Variants in BLTP3B observed in about 807,000 individuals in gnomAD.
BLTP3B encodes bridge-like lipid transfer protein family member 3B.
chr12:100,118,041 T>C, the BLTP3B span, among the ~76,000 whole-genome samples: 1 of 152,156 alleles, frequency 6.6e-6, no homozygotes, highest in Non-Finnish European at 1.5e-5. Flanking sequence ...CAAAGATATC[T>C]TGACACAGTT....
the BLTP3B span, among the ~76,000 whole-genome samples, chr12:100,077,789 G>A: frequency 6.6e-6 from 1 of 152,280 alleles, no homozygotes; most frequent in African/African-American, 2.4e-5. Context: ...ATATTATCGT[G>A]TTGGTCTCAA....
chr12:100,075,231 C>T, the BLTP3B span, among the ~76,000 whole-genome samples: 15 of 152,096 alleles, frequency 9.9e-5, no homozygotes, highest in African/African-American at 2.9e-4. Context: ...AGGCTGGTCT[C>T]GAACTCCTGA....
the BLTP3B span, among the ~76,000 whole-genome samples, chr12:100,048,393 TTTTTCTGTA>T: frequency 4.9e-4 from 75 of 152,276 alleles, no homozygotes; most frequent in African/African-American, 1.6e-3. Flanking sequence ...ATAATGTTGA[TTTTTCTGTA>T]TTTTCTGTTT....
At chr12:100,062,314 T>C in the BLTP3B span, among the ~76,000 whole-genome samples, 1 of 152,208 alleles carries the variant, frequency 6.6e-6, no homozygotes, top group Non-Finnish European at 1.5e-5. Context: ...TCTTTATTGT[T>C]AAAATACAAT....
chr12:100,118,506 A>G, the BLTP3B span, among the ~76,000 whole-genome samples: 38 of 152,330 alleles, frequency 2.5e-4, no homozygotes, highest in East Asian at 4.6e-3. Context: ...TAAATGTAAT[A>G]TATTTGGAAT....
chr12:100,097,314 T>C, the BLTP3B span: 8 of 1,549,106 alleles, frequency 5.2e-6, no homozygotes, highest in East Asian at 1.8e-4. Flanking sequence ...AATCAAAAAG[T>C]CAAATCCAAC....
At chr12:100,111,881 T>A in the BLTP3B span, among the ~76,000 whole-genome samples, 1 of 152,060 alleles carries the variant, frequency 6.6e-6, no homozygotes, top group Non-Finnish European at 1.5e-5. Context: ...TGGCTGGGAT[T>A]ACAGGCATGA....
the BLTP3B span, chr12:100,082,997 A>T: frequency 6.3e-7 from 1 of 1,582,810 alleles, no homozygotes; most frequent in Admixed American, 1.7e-5. Flanking sequence ...AGAAAACTTA[A>T]TTGGAAAAGA....
At chr12:100,103,934 C>G in the BLTP3B span, 1 of 1,599,946 alleles carries the variant, frequency 6.3e-7, no homozygotes, top group Non-Finnish European at 8.5e-7. Context: ...GATGTGTTTT[C>G]AGTTTTGTCC....
At chr12:100,102,826 G>A in the BLTP3B span, 2 of 1,604,716 alleles carry the variant, frequency 1.2e-6, no homozygotes, top group Non-Finnish European at 1.7e-6. Flanking sequence ...TTCTTCACAT[G>A]TACTCATTTC....
chr12:100,070,727 C>A, the BLTP3B span, among the ~76,000 whole-genome samples: 3 of 152,066 alleles, frequency 2.0e-5, no homozygotes, highest in South Asian at 2.1e-4. Flanking sequence ...GGTGCGGTGG[C>A]TCATGCCTGT....
the BLTP3B span, among the ~76,000 whole-genome samples, chr12:100,123,240 T>G: frequency 1.3e-5 from 2 of 152,066 alleles, no homozygotes. Context: ...TCTGGGTGCT[T>G]GGGATGTATG....
the BLTP3B span, chr12:100,047,596 G>T: frequency 6.2e-7 from 1 of 1,613,576 alleles, no homozygotes; most frequent in Non-Finnish European, 8.5e-7. Context: ...ACAGTTACAG[G>T]AGCTGGTTCA....
chr12:100,059,233 T>C, the BLTP3B span: 6 of 1,614,064 alleles, frequency 3.7e-6, no homozygotes, highest in Non-Finnish European at 5.1e-6. Context: ...AGAGTGTTTT[T>C]ATTCAATTGG....
the BLTP3B span, among the ~76,000 whole-genome samples, chr12:100,113,235 G>C: frequency 6.6e-6 from 1 of 151,838 alleles, no homozygotes; most frequent in Admixed American, 6.6e-5. Flanking sequence ...CAGCACTTTG[G>C]GAGGCTGAGG....
At chr12:100,119,735 C>CA in the BLTP3B span, among the ~76,000 whole-genome samples, 14 of 150,638 alleles carry the variant, frequency 9.3e-5, no homozygotes, top group East Asian at 1.9e-4. Flanking sequence ...CAGCCATATG[C>CA]AAAAAAAACA....
chr12:100,123,985 T>C, the BLTP3B span, among the ~76,000 whole-genome samples: 4 of 152,186 alleles, frequency 2.6e-5, no homozygotes, highest in African/African-American at 7.2e-5. Flanking sequence ...TAAAATAGGA[T>C]AGGCATTGTG....
At chr12:100,119,010 G>C in the BLTP3B span, among the ~76,000 whole-genome samples, 1 of 152,084 alleles carries the variant, frequency 6.6e-6, no homozygotes, top group African/African-American at 2.4e-5. Flanking sequence ...GCTGAGGCAG[G>C]AGAATTGCTT....
chr12:100,112,250 A>T, the BLTP3B span, among the ~76,000 whole-genome samples: 2 of 151,926 alleles, frequency 1.3e-5, no homozygotes, highest in African/African-American at 2.4e-5. Flanking sequence ...AGGCCAAGGC[A>T]AGAAGATCAC....
Sources: allele counts gnomAD v4.1 joint callset (sites outside exome capture counted in the v4.1 genomes callset), GRCh38; gene constraint gnomAD v4.1.1; transcripts MANE v1.5; gene names NCBI Gene and HGNC (gene_info 2026-07-23, HGNC 2026-07-21).